The following PDE11A variants were observed in gnomAD, a reference collection of about 807,000 sequenced individuals.
The protein encoded by PDE11A is phosphodiesterase 11A.
PDE11A carries 100 observed loss-of-function variants against 100.5 expected under a neutral mutation model. The ratio of observed to expected loss-of-function variants is 1.00; its 90% CI spans 0.85 to 1.18. PDE11A has a LOEUF of 1.18. Among genes scored for constraint, PDE11A ranks in the 50% most tolerant of loss-of-function variants. The pLI is 0.00. For missense variants in PDE11A, 1,141 were observed against 1,152.6 expected (o/e 0.99, Z 0.15); for synonymous variants, 381 against 420.8 (o/e 0.91, Z 1.16).
rs1257178630 is a variant in PDE11A at position 178,096,164 on chromosome 2, C to CTTTTTTTTTTTTTTTT, written c.162+8137_162+8138insAAAAAAAAAAAAAAAA. 9.1e-4 allele frequency among the ~76,000 whole-genome samples: 100 copies of CTTTTTTTTTTTTTTTT among 110,198 alleles called. 1 individual carries two copies. The highest frequency in any genetic ancestry group is 1.6e-3 in the South Asian group (5 of 3,206). 72.3% of individuals were successfully genotyped at this position (110,198 alleles called of 152,430 possible). A position where few individuals can be genotyped will look rare whatever the true frequency, so the allele number is the denominator to read the frequency against. On this transcript the variant is annotated intron_variant, in intron 2 of 20. Transcript: ENST00000358450. ...TCCCCAGAAAACAGGTTTTTCTTTT[C>CTTTTTTTTTTTTTTTT]TTTTCTTTTTTTTTTTTGAGATGGA...
chr2:177,667,111 A>T (rs1260704868), intron 18 of PDE11A, among the ~76,000 whole-genome samples: 1 of 151,800 alleles, frequency 6.6e-6, no homozygotes, highest in Admixed American at 6.6e-5. Context: ...TAGAAGTTTC[A>T]CCATGTTGGC....
At chr2:177,637,170 C>T (rs1430789487) in intron 19 of PDE11A, among the ~76,000 whole-genome samples, 1 of 152,236 alleles carries the variant, frequency 6.6e-6, no homozygotes, top group Admixed American at 6.5e-5. Flanking sequence ...GAAGTAGGTA[C>T]TTTTATCATC....
At chr2:177,820,406 T>C in intron 6 of PDE11A, 111 bp from the exon 7 acceptor site, 1 of 696,474 alleles carries the variant, frequency 1.4e-6, no homozygotes, top group South Asian at 1.6e-5. Flanking sequence ...TTAAAGCTAT[T>C]TTATACACTG....
intron 5 of PDE11A, among the ~76,000 whole-genome samples, chr2:177,858,860 T>C (rs1247027258): frequency 7.2e-5 from 11 of 152,108 alleles, no homozygotes; most frequent in East Asian, 3.9e-4. Flanking sequence ...TGTCCATCAA[T>C]GATAGACTGG....
chr2:177,742,342 C>T lies in PDE11A; in HGVS notation c.1789-14170G>A, dbSNP rs1023106853. Among the ~76,000 whole-genome samples the T allele has an allele frequency of 6.6e-5, 10 of 152,266 alleles. 1 individual carries two copies. Among genetic ancestry groups the T allele is most frequent in the Admixed American group, 3.9e-4 (6 of 15,304 alleles). On this transcript the variant is annotated intron_variant, in intron 10 of 19. Transcript: ENST00000286063. ...GTTTGTCTCACCCCATCTAGCTCTA[C>T]GGAACCCCTGGCCTGCAGCTCTAAT...
At chr2:178,107,306 C>T (rs2087631354) in intron 1 of PDE11A, among the ~76,000 whole-genome samples, 2 of 151,502 alleles carry the variant, frequency 1.3e-5, no homozygotes, top group Admixed American at 1.3e-4. Context: ...TTAAGAAGGA[C>T]AGGAAGAATA....
chr2:177,796,725 C>T (rs1256480733), intron 9 of PDE11A, among the ~76,000 whole-genome samples: 2 of 152,110 alleles, frequency 1.3e-5, no homozygotes, highest in East Asian at 3.9e-4. Context: ...CTTACTTGGC[C>T]AACTATAAAC....
chr2:177,818,710 A>C (rs2083084966), intron 7 of PDE11A, among the ~76,000 whole-genome samples: 1 of 152,084 alleles, frequency 6.6e-6, no homozygotes, highest in African/African-American at 2.4e-5. Flanking sequence ...TAGTTCTACA[A>C]ATCTTAATTT....
intron 2 of PDE11A, among the ~76,000 whole-genome samples, chr2:177,919,432 A>G (rs2085005655): frequency 1.3e-5 from 2 of 152,164 alleles, no homozygotes; most frequent in African/African-American, 4.8e-5. Flanking sequence ...TGTATATTAG[A>G]AAGTTGAATT....
intron 4 of PDE11A, 68 bp downstream of exon 4, chr2:177,897,990 A>G: frequency 7.7e-7 from 1 of 1,293,962 alleles, no homozygotes; most frequent in Non-Finnish European, 1.1e-6. Context: ...CACAAGTTTA[A>G]TTATAAATAA....
intron 2 of PDE11A, among the ~76,000 whole-genome samples, chr2:177,960,159 C>T (rs557366005): frequency 1.3e-5 from 2 of 151,800 alleles, no homozygotes; most frequent in South Asian, 4.2e-4. Flanking sequence ...TCTTTTTCAT[C>T]ATTATTTTAG....
rs2082132298 is a variant in PDE11A at position 177,758,802 on chromosome 2, T to C, written c.1788+10521A>G. On this transcript the variant is annotated intron_variant, in intron 10 of 19. Transcript: ENST00000286063. ...AAGCACAAGGGCCTTACACAGGCTTTGTTCTTAAGGCTAAACCAAAGGGGA... is the reference window on the plus strand; with the variant it reads ...AAGCACAAGGGCCTTACACAGGCTTCGTTCTTAAGGCTAAACCAAAGGGGA... 2.6e-5 allele frequency among the ~76,000 whole-genome samples: 4 copies of C among 152,328 alleles called. No individual in the cohort carries two copies. The South Asian group carries it at 8.3e-4, about 32-fold the overall frequency.
chr2:178,023,006 G>A (rs192637850), intron 1 of PDE11A, among the ~76,000 whole-genome samples: 7 of 152,134 alleles, frequency 4.6e-5, no homozygotes, highest in Non-Finnish European at 5.9e-5. Flanking sequence ...TATATAACAC[G>A]CAGCCATGAT....
chr2:177,842,574 G>A (rs373175317), intron 5 of PDE11A, among the ~76,000 whole-genome samples: 3 of 152,338 alleles, frequency 2.0e-5, no homozygotes, highest in African/African-American at 4.8e-5. Flanking sequence ...GGGAAGTGAC[G>A]TGGTTTAAGA....
intron 18 of PDE11A, among the ~76,000 whole-genome samples, chr2:177,664,832 T>C (rs1327255614): frequency 6.6e-6 from 1 of 152,190 alleles, no homozygotes. Context: ...GTAAGTTTTA[T>C]CTTTCCTTTA....
chr2:177,767,169 A>C lies in PDE11A; in HGVS notation c.1788+2154T>G, dbSNP rs1446993467. Among the ~76,000 whole-genome samples the C allele has an allele frequency of 3.3e-5, 5 of 152,138 alleles. No individual in the cohort carries two copies. In the East Asian group the frequency reaches 9.6e-4, roughly 29 times the overall value. On this transcript the variant is annotated intron_variant, in intron 10 of 19. Coordinates refer to ENST00000286063, the MANE Select transcript of PDE11A (RefSeq NM_016953.4). ...ACATGGTGAAACCCCGTCTCTACTA[A>C]AAATACAAAAATTAGCAGGGCATGG... is the stretch of plus-strand genomic sequence containing the variant.
chr2:177,902,275 G>C lies in PDE11A; in HGVS notation c.1161+2823C>G, dbSNP rs553092751. 2.6e-4 allele frequency among the ~76,000 whole-genome samples: 38 copies of C among 147,014 alleles called. No individual in the cohort carries two copies. In the South Asian group the frequency reaches 7.3e-3, roughly 28 times the overall value. ...AAGGTACTTTGTAATATTCTCCCCC[G>C]CCCTTAAGAATGTACTTTGTATGCC... On this transcript the variant is annotated intron_variant, in intron 3 of 19. Transcript: ENST00000286063.
At chr2:178,096,464 C>T (rs1043691202) in intron 2 of PDE11A, among the ~76,000 whole-genome samples, 5 of 151,818 alleles carry the variant, frequency 3.3e-5, no homozygotes, top group South Asian at 4.2e-4. Context: ...TGAGCCACTG[C>T]GCCTGGCCCA....
chr2:177,879,759 A>G (rs1020929232), intron 4 of PDE11A, among the ~76,000 whole-genome samples: 14 of 152,208 alleles, frequency 9.2e-5, no homozygotes, highest in African/African-American at 2.7e-4. Flanking sequence ...AAGCCATAGA[A>G]CCTGTAGATC....
Sources: allele counts gnomAD v4.1 joint callset (sites outside exome capture counted in the v4.1 genomes callset), GRCh38; gene constraint gnomAD v4.1.1; transcripts MANE v1.5; gene names NCBI Gene and HGNC (gene_info 2026-07-23, HGNC 2026-07-21).